The following LCP2 variants were observed in gnomAD, a reference collection of about 807,000 sequenced individuals.
The protein encoded by LCP2 is lymphocyte cytosolic protein 2.
Under a neutral mutation model 74.5 loss-of-function variants are expected in LCP2, and 29 were observed. The ratio of observed to expected loss-of-function variants is 0.39; its 90% CI spans 0.29 to 0.53. The LOEUF is 0.53. Ranked by LOEUF, LCP2 falls within the 20% of genes least tolerant of loss-of-function variation. The probability of loss-of-function intolerance (pLI) is 0.72; values close to 1 mark genes in which losing one functional copy is unlikely to be tolerated. For synonymous variants in LCP2, 228 were observed against 229.5 expected, an observed-to-expected ratio of 0.99 and a Z score of 0.06; for missense variants, 604 against 634.6, an observed-to-expected ratio of 0.95 and a Z score of 0.52.
chr5:170,267,005 T>C lies in LCP2; in HGVS notation c.688+4A>G. On this transcript the variant is annotated splice_donor_region_variant and intron_variant, in intron 9 of 20. Coordinates refer to ENST00000046794, the MANE Select transcript of LCP2 (RefSeq NM_005565.5). Reference sequence around the variant, plus strand: ...GGGCAAGAGAGAGCAGCCCTTGTACTCACGCTTTGCCGTTTTGTGGTTTCT... The same window carrying C: ...GGGCAAGAGAGAGCAGCCCTTGTACCCACGCTTTGCCGTTTTGTGGTTTCT... 1.2e-6 allele frequency: 2 copies of C among 1,613,992 alleles called. No homozygotes were observed. Among genetic ancestry groups the C allele is most frequent in the African/African-American group, 1.3e-5 (1 of 75,042 alleles).
chr5:170,295,045 G>C (rs988284809), intron 1 of LCP2, among the ~76,000 whole-genome samples: 13 of 152,172 alleles, frequency 8.5e-5, no homozygotes, highest in Non-Finnish European at 1.5e-4. Context: ...GAAGACTGAG[G>C]CCTCTAGAGG....
intron 5 of LCP2, among the ~76,000 whole-genome samples, chr5:170,274,838 A>G (rs151073424): frequency 0.012 from 1,897 of 152,178 alleles, 41 homozygotes; most frequent in African/African-American, 0.043. Flanking sequence ...GTAGCTGGGC[A>G]TGGTGGCGGG....
intron 6 of LCP2, among the ~76,000 whole-genome samples, chr5:170,271,420 A>T (rs980226684): frequency 6.6e-6 from 1 of 152,194 alleles, no homozygotes; most frequent in Non-Finnish European, 1.5e-5. Flanking sequence ...AAGCCTGTTA[A>T]GTGGAAGGCA....
chr5:170,275,389 G>A (rs764725467), intron 4 of LCP2, 38 bp from the exon 5 acceptor site: 35 of 1,610,016 alleles, frequency 2.2e-5, no homozygotes, highest in Non-Finnish European at 2.8e-5. Context: ...TGGTCTTCTC[G>A]ATTTAAGGGG....
chr5:170,261,067 C>A, intron 14 of LCP2, 40 bp downstream of exon 14: 1 of 1,503,620 alleles, frequency 6.7e-7, no homozygotes, highest in Non-Finnish European at 9.3e-7. Flanking sequence ...TGCTTCTTTT[C>A]CCTGTATCAA....
chr5:170,287,700 A>C, intron 3 of LCP2: 1 of 515,228 alleles, frequency 1.9e-6, no homozygotes, highest in Non-Finnish European at 3.5e-6. Flanking sequence ...CAAGCACCCC[A>C]TGAGAAGAGA....
chr5:170,248,588 T>C lies in LCP2; in HGVS notation c.*109A>G, dbSNP rs973697062. 14 of 1,137,494 alleles carry C rather than the reference T, an allele frequency of 1.2e-5. No homozygotes were observed. In the African/African-American group the frequency reaches 1.9e-4, roughly 15 times the overall value. 70.5% of individuals were successfully genotyped at this position (1,137,494 alleles called of 1,614,324 possible). A position where few individuals can be genotyped will look rare whatever the true frequency, so the allele number is the denominator to read the frequency against. ...GGAAAGGATAAAACCCTTGTGTTCATGGGGAGGGGTTCAGTTCAGTCCTAA... is the reference window on the plus strand; with the variant it reads ...GGAAAGGATAAAACCCTTGTGTTCACGGGGAGGGGTTCAGTTCAGTCCTAA... On this transcript the variant is annotated 3_prime_UTR_variant, in exon 21 of 21. Transcript: ENST00000046794.
intron 6 of LCP2, among the ~76,000 whole-genome samples, chr5:170,273,403 CT>C (rs1320660345): frequency 6.6e-6 from 1 of 152,008 alleles, no homozygotes; most frequent in African/African-American, 2.4e-5. Context: ...TTAGCTAAAT[CT>C]TTTTTTTGTT....
At chr5:170,278,930 A>G (rs61075950) in intron 3 of LCP2, among the ~76,000 whole-genome samples, 8,704 of 110,736 alleles carry the variant, frequency 0.079, 868 homozygotes, top group African/African-American at 0.35. Flanking sequence ...AGCCTGTGGG[A>G]CCACTGCCAG....
intron 3 of LCP2, 23 bp downstream of exon 3, chr5:170,287,947 C>T: frequency 6.2e-7 from 1 of 1,609,546 alleles, no homozygotes; most frequent in Non-Finnish European, 8.5e-7. Context: ...CCAGATCACC[C>T]ATAGAGTTGG....
chr5:170,274,094 T>C (rs894565927), intron 6 of LCP2: 22 of 581,156 alleles, frequency 3.8e-5, no homozygotes, highest in Non-Finnish European at 6.5e-5. Context: ...AGTAGCAGAG[T>C]TGAGTAGCTG....
chr5:170,250,838 A>G lies in LCP2; in HGVS notation c.1371T>C (p.Asn457=). The G allele has an allele frequency of 6.2e-7, 1 of 1,613,206 alleles. No individual in the cohort carries two copies. The highest frequency in any genetic ancestry group is 1.7e-4 in the Middle Eastern group (1 of 6,060). ...TGTACAACACCATGAGGACATATGGATTGGTTGTTGTTTTTTTAGAGCTGT... is the reference window on the plus strand; with the variant it reads ...TGTACAACACCATGAGGACATATGGGTTGGTTGTTGTTTTTTTAGAGCTGT... The part of the protein sequence containing the change: ...VRDSSKKTTT[N]PYVLMVLYKD... Residue 457 remains asparagine (N), a synonymous_variant, in exon 20 of 21, where the codon AAT becomes AAC. Transcript: ENST00000046794.
intron 20 of LCP2, among the ~76,000 whole-genome samples, 196 bp downstream of exon 20, chr5:170,250,534 A>G (rs1350505184): frequency 6.6e-6 from 1 of 152,264 alleles, no homozygotes; most frequent in East Asian, 1.9e-4. Context: ...AAAGATATAC[A>G]AGAAAGAATC....
At chr5:170,255,406 C>T (rs906262202) in intron 17 of LCP2, among the ~76,000 whole-genome samples, 1 of 152,164 alleles carries the variant, frequency 6.6e-6, no homozygotes, top group Non-Finnish European at 1.5e-5. Flanking sequence ...CACACTGGCC[C>T]GTGCACACAC....
intron 6 of LCP2, chr5:170,274,038 C>G: frequency 1.9e-6 from 1 of 521,418 alleles, no homozygotes; most frequent in Non-Finnish European, 3.5e-6. Flanking sequence ...GGGCGCAAAG[C>G]CAAGCCTGTT....
At chr5:170,291,226 A>AAGGAAGGAAGGAAGGAAGGAAGT (rs1561979324) in intron 2 of LCP2, among the ~76,000 whole-genome samples, 1 of 52,914 alleles carries the variant, frequency 1.9e-5, no homozygotes, top group African/African-American at 6.8e-5. Context: ...AGGAAGGAAG[A>AAGGAAGGAAGGAAGGAAGGAAGT]AAGGAAGGAA....
chr5:170,276,025 C>G (rs753526046), intron 3 of LCP2, among the ~76,000 whole-genome samples, 165 bp from the exon 4 acceptor site: 1 of 152,202 alleles, frequency 6.6e-6, no homozygotes, highest in African/African-American at 2.4e-5. Context: ...TTCACTTCCT[C>G]CCAGAACTTG....
Position 170,285,478 on chromosome 5 carries a change from A to G in LCP2, c.188+2492T>C, listed in dbSNP as rs562738478. 2.6e-5 allele frequency among the ~76,000 whole-genome samples: 4 copies of G among 152,330 alleles called. No individual in the cohort carries two copies. The East Asian group carries it at 7.7e-4, about 29-fold the overall frequency. On this transcript the variant is annotated intron_variant, in intron 3 of 20. Coordinates refer to ENST00000046794, the MANE Select transcript of LCP2 (RefSeq NM_005565.5). ...GGGTAGTGAATATTTTTGCATTCCT[A>G]TAAATAGGTTTAAGTTTTGTTCTGA...
chr5:170,274,369 C>A, intron 5 of LCP2, 31 bp from the exon 6 acceptor site: 1 of 1,609,714 alleles, frequency 6.2e-7, no homozygotes, highest in Non-Finnish European at 8.5e-7. Flanking sequence ...ACCATCAGCA[C>A]TGAAGAAAAG....
Sources: gnomAD v4.1 joint callset for allele counts (sites outside exome capture counted in the v4.1 genomes callset) on GRCh38, gnomAD v4.1.1 for gene constraint, MANE v1.5 for transcripts, NCBI Gene and HGNC (gene_info 2026-07-23, HGNC 2026-07-21) for gene names.